SLC12A1: variants seen among roughly 807,000 people sequenced by gnomAD.
SLC12A1 encodes the protein Na-K-2Cl cotransporter.
A neutral mutation model predicts 130.4 loss-of-function variants in SLC12A1; 89 were observed. The observed-to-expected ratio is 0.68, with a 90% CI of 0.58 to 0.81. The LOEUF is 0.81. Ranked by LOEUF, SLC12A1 falls within the 40% of genes least tolerant of loss-of-function variation. The probability of loss-of-function intolerance (pLI) is 0.00; values close to 1 mark genes in which losing one functional copy is unlikely to be tolerated. For synonymous variants in SLC12A1, 499 were observed against 460.0 expected, an observed-to-expected ratio of 1.08 and a Z score of -1.09; for missense variants, 1,310 against 1,336.4, an observed-to-expected ratio of 0.98 and a Z score of 0.31.
chr15:48,247,551 T>C (rs746818439), intron 13 of SLC12A1, 91 bp downstream of exon 13: 1 of 1,040,550 alleles, frequency 9.6e-7, no homozygotes, highest in Admixed American at 2.7e-5. Flanking sequence ...ATTACTCGTT[T>C]TATGTTTAGG....
chr15:48,266,969 T>C (rs1345564388), intron 17 of SLC12A1, among the ~76,000 whole-genome samples: 3 of 152,190 alleles, frequency 2.0e-5, no homozygotes, highest in South Asian at 2.1e-4. Flanking sequence ...ACCAAATTCA[T>C]TGAATGACAA....
intron 23 of SLC12A1, among the ~76,000 whole-genome samples, chr15:48,289,568 T>C (rs1032173456): frequency 6.6e-6 from 1 of 151,978 alleles, no homozygotes; most frequent in East Asian, 1.9e-4. Context: ...GCAAACATCA[T>C]AGAGTGTACT....
intron 24 of SLC12A1, among the ~76,000 whole-genome samples, chr15:48,292,585 A>T (rs550732944): frequency 1.1e-4 from 17 of 152,272 alleles, no homozygotes; most frequent in African/African-American, 3.1e-4. Flanking sequence ...AACAACAGAC[A>T]TTTATTTCTC....
chr15:48,260,348 T>TCACACACACA (rs10673427), intron 17 of SLC12A1, among the ~76,000 whole-genome samples: 92 of 144,442 alleles, frequency 6.4e-4, no homozygotes, highest in South Asian at 1.3e-3. Flanking sequence ...TCTCTCTCTA[T>TCACACACACA]CACACACACA....
At chr15:48,221,313 T>C in intron 4 of SLC12A1, 1 of 701,858 alleles carries the variant, frequency 1.4e-6, no homozygotes, top group Admixed American at 2.0e-5. Context: ...GGGGACATAT[T>C]GACATTTGCC....
At chr15:48,259,728 T>C (rs2041748936) in intron 17 of SLC12A1, among the ~76,000 whole-genome samples, 1 of 152,180 alleles carries the variant, frequency 6.6e-6, no homozygotes, top group Admixed American at 6.5e-5. Context: ...TGACAGCACA[T>C]AGAATTTAGA....
intron 24 of SLC12A1, among the ~76,000 whole-genome samples, chr15:48,294,099 C>T (rs368068946): frequency 3.4e-4 from 52 of 151,258 alleles, no homozygotes; most frequent in Middle Eastern, 3.4e-3. Context: ...CCTGTAATCC[C>T]AGCACTTTGG....
intron 5 of SLC12A1, chr15:48,226,895 T>C (rs2141027776): frequency 1.7e-6 from 1 of 596,524 alleles, no homozygotes; most frequent in East Asian, 2.8e-5. Context: ...ATTTGGCTTC[T>C]GTTTTAACGT....
At chr15:48,290,836 TA>T (rs1213031577) in intron 23 of SLC12A1, among the ~76,000 whole-genome samples, 2 of 152,216 alleles carry the variant, frequency 1.3e-5, no homozygotes, top group African/African-American at 4.8e-5. Context: ...ATAATGTCTA[TA>T]ATATTTTATA....
chr15:48,208,378 G>C (rs2041007444), intron 2 of SLC12A1, among the ~76,000 whole-genome samples: 1 of 151,764 alleles, frequency 6.6e-6, no homozygotes, highest in African/African-American at 2.4e-5. Flanking sequence ...AGCCTGAAGT[G>C]TGGTGGACAC....
intron 16 of SLC12A1, among the ~76,000 whole-genome samples, chr15:48,256,227 C>T (rs2041705648): frequency 6.6e-6 from 1 of 152,214 alleles, no homozygotes; most frequent in Non-Finnish European, 1.5e-5. Flanking sequence ...CATTACTCTG[C>T]TATTGTTTCC....
chr15:48,207,394 G>A (rs1168246800), intron 1 of SLC12A1, 140 bp from the exon 2 acceptor site: 1 of 168,900 alleles, frequency 5.9e-6, no homozygotes, highest in South Asian at 2.0e-4. Context: ...ACATGACTAA[G>A]GTTCCTGGAC....
At chr15:48,260,083 G>A (rs916349629) in intron 17 of SLC12A1, among the ~76,000 whole-genome samples, 2 of 151,952 alleles carry the variant, frequency 1.3e-5, no homozygotes, top group African/African-American at 4.8e-5. Flanking sequence ...TGACGATCAT[G>A]GCAAAACCCT....
intron 8 of SLC12A1, among the ~76,000 whole-genome samples, chr15:48,233,573 T>C (rs1027218901): frequency 6.6e-6 from 1 of 152,188 alleles, no homozygotes; most frequent in Non-Finnish European, 1.5e-5. Context: ...TTTGACTTCT[T>C]TCTCTCCTTA....
At chr15:48,263,480 A>C (rs1330380541) in intron 17 of SLC12A1, among the ~76,000 whole-genome samples, 1 of 152,172 alleles carries the variant, frequency 6.6e-6, no homozygotes. Context: ...ATTAGGTTGA[A>C]TCATATAAAA....
Position 48,207,582 on chromosome 15 carries a change from CTATT to C in SLC12A1, c.-133_-130del. 1 of 564,946 alleles carries C rather than the reference CTATT, an allele frequency of 1.8e-6. No homozygotes were observed. Among genetic ancestry groups the C allele is most frequent in the Non-Finnish European group, 2.9e-6 (1 of 343,510 alleles). 35.0% of individuals were successfully genotyped at this position (564,946 alleles called of 1,614,324 possible). ...ATATCGGAGACAATATATCAAGAATCTATTTATTGAATCATCTAGAACAAAAGCC... is the reference window on the plus strand; with the variant it reads ...ATATCGGAGACAATATATCAAGAATCTATTGAATCATCTAGAACAAAAGCC... On this transcript the variant is annotated 5_prime_UTR_variant, in exon 2 of 27. Coordinates refer to ENST00000380993, the MANE Select transcript of SLC12A1 (RefSeq NM_000338.3).
chr15:48,240,944 CT>C (rs916028456), intron 9 of SLC12A1, among the ~76,000 whole-genome samples: 11 of 152,224 alleles, frequency 7.2e-5, no homozygotes, highest in Middle Eastern at 3.4e-3. Flanking sequence ...GAATTTGCCT[CT>C]TTCTTTATGT....
chr15:48,250,275 AG>A (rs1337255347), intron 14 of SLC12A1, among the ~76,000 whole-genome samples: 1 of 152,202 alleles, frequency 6.6e-6, no homozygotes, highest in African/African-American at 2.4e-5. Context: ...ACCAGAATAG[AG>A]AGTTGTCATT....
At chr15:48,220,092 C>T (rs1052324782) in intron 2 of SLC12A1, among the ~76,000 whole-genome samples, 4 of 121,892 alleles carry the variant, frequency 3.3e-5, no homozygotes, top group Non-Finnish European at 6.3e-5. Flanking sequence ...CTGAGTGACA[C>T]AGCAAGACTC....
Sources: allele counts gnomAD v4.1 joint callset (sites outside exome capture counted in the v4.1 genomes callset), GRCh38; gene constraint gnomAD v4.1.1; transcripts MANE v1.5; gene names NCBI Gene and HGNC (gene_info 2026-07-23, HGNC 2026-07-21).